Variants in TARBP1 observed in about 807,000 individuals in gnomAD.
TARBP1 encodes tRNA (guanosine(18)-2'-O)-methyltransferase TARBP1.
A neutral mutation model predicts 178.6 loss-of-function variants in TARBP1; 144 were observed. The ratio of observed to expected loss-of-function variants is 0.81; its 90% CI spans 0.70 to 0.93. TARBP1 has a LOEUF of 0.93. TARBP1 is among the 40% of genes least tolerant of loss of function. The pLI is 0.00. For synonymous variants in TARBP1, 787 were observed against 781.0 expected (o/e 1.01, Z -0.13); for missense variants, 2,067 against 2,011.7 (o/e 1.03, Z -0.53).
chr1:234,429,770 G>T lies in TARBP1; in HGVS notation c.2610-93C>A, dbSNP rs569956588. The T allele has an allele frequency of 7.2e-5, 94 of 1,311,254 alleles. 5 individuals are homozygous for T. Among genetic ancestry groups the T allele is most frequent in the Non-Finnish European group, 9.2e-5 (89 of 964,066 alleles). The allele number at this position is 1,311,254 out of a possible 1,614,324, so 81.2% of individuals were successfully genotyped here. A position where few individuals can be genotyped will look rare whatever the true frequency, so the allele number is the denominator to read the frequency against. The stretch of plus-strand genomic sequence containing the variant: ...ACACTATCCTTTCTAAAGGTGGGGG[G>T]GGGGGGGCAGTGTACAGATATAAAT... On this transcript the variant is annotated intron_variant, in intron 15 of 29. Transcript: ENST00000040877.
intron 26 of TARBP1, among the ~76,000 whole-genome samples, chr1:234,395,468 A>C (rs943103652): frequency 6.6e-6 from 1 of 152,282 alleles, no homozygotes; most frequent in Middle Eastern, 3.4e-3. Context: ...AATCGCCAAG[A>C]CTGGGTAACG....
Position 234,397,110 on chromosome 1 carries a change from G to C in TARBP1, c.4243+1272C>G, listed in dbSNP as rs150137140. On this transcript the variant is annotated intron_variant, in intron 26 of 29. Coordinates refer to ENST00000040877, the MANE Select transcript of TARBP1 (RefSeq NM_005646.4). Reference sequence around the variant, plus strand: ...GAGGCTAAAATGTGAGTGACAGACTGATAGGAAGATAGCCTACAGTCATTA... The same window carrying C: ...GAGGCTAAAATGTGAGTGACAGACTCATAGGAAGATAGCCTACAGTCATTA... Among the ~76,000 whole-genome samples the C allele has an allele frequency of 6.8e-3, 985 of 144,556 alleles. 4 individuals carry two copies. Among genetic ancestry groups the C allele is most frequent in the Non-Finnish European group, 0.011 (717 of 66,556 alleles). The allele number at this position is 144,556 out of a possible 152,430, so 94.8% of individuals were successfully genotyped here. A position where few individuals can be genotyped will look rare whatever the true frequency, so the allele number is the denominator to read the frequency against.
intron 26 of TARBP1, among the ~76,000 whole-genome samples, chr1:234,396,679 C>T (rs985918040): frequency 6.6e-6 from 1 of 151,992 alleles, no homozygotes; most frequent in African/African-American, 2.4e-5. Flanking sequence ...CATCCAGAGG[C>T]CTGACAAAAA....
intron 19 of TARBP1, among the ~76,000 whole-genome samples, chr1:234,426,261 C>G (rs1013364405): frequency 6.6e-6 from 1 of 152,212 alleles, no homozygotes; most frequent in African/African-American, 2.4e-5. Flanking sequence ...GCTCTCAACA[C>G]CCGGCATTTT....
At chr1:234,464,870 C>T (rs1668267622) in intron 5 of TARBP1, among the ~76,000 whole-genome samples, 1 of 152,160 alleles carries the variant, frequency 6.6e-6, no homozygotes, top group Non-Finnish European at 1.5e-5. Flanking sequence ...AAAAATGAGG[C>T]TAAGGTACAA....
Position 234,427,298 on chromosome 1 carries a change from G to C in TARBP1, c.3323+19C>G. 6.3e-7 allele frequency: 1 copy of C among 1,574,938 alleles called. No individual in the cohort carries two copies. Among genetic ancestry groups the C allele is most frequent in the Non-Finnish European group, 8.7e-7 (1 of 1,154,130 alleles). On this transcript the variant is annotated intron_variant, in intron 19 of 29. Transcript: ENST00000040877. ...AGTATCTCATTTATGTGAAGACAGAGAAAATCTACCATACTTACTTTTCCA... is the reference window on the plus strand; with the variant it reads ...AGTATCTCATTTATGTGAAGACAGACAAAATCTACCATACTTACTTTTCCA...
At chr1:234,422,251 G>C (rs1055076177) in intron 20 of TARBP1, among the ~76,000 whole-genome samples, 6 of 152,068 alleles carry the variant, frequency 3.9e-5, no homozygotes, top group African/African-American at 1.4e-4. Context: ...CTTTCTACTT[G>C]TTCCACTCAG....
chr1:234,464,683 G>A (rs270507), intron 5 of TARBP1, among the ~76,000 whole-genome samples: 35,002 of 152,176 alleles, frequency 0.23, 4,737 homozygotes, highest in Non-Finnish European at 0.31. Context: ...TAACGTGGCA[G>A]AGACTAATTA....
intron 20 of TARBP1, among the ~76,000 whole-genome samples, chr1:234,423,756 T>C (rs1433923934): frequency 6.6e-6 from 1 of 150,892 alleles, no homozygotes; most frequent in Non-Finnish European, 1.5e-5. Context: ...GAATTTTTTT[T>C]TTTTTTTTTT....
At chr1:234,468,165 T>C (rs993045944) in intron 3 of TARBP1, among the ~76,000 whole-genome samples, 1 of 151,936 alleles carries the variant, frequency 6.6e-6, no homozygotes, top group African/African-American at 2.4e-5. Flanking sequence ...TGAAAGACTG[T>C]AAATGGGCCA....
chr1:234,474,727 A>AAT (rs1669423719), intron 1 of TARBP1, among the ~76,000 whole-genome samples: 1 of 152,238 alleles, frequency 6.6e-6, no homozygotes, highest in African/African-American at 2.4e-5. Context: ...TTCTACCCTC[A>AAT]GTCAAACCAT....
chr1:234,430,187 GC>G lies in TARBP1; in HGVS notation c.2508del (p.Leu838TrpfsTer47), dbSNP rs1173494040. The G allele has an allele frequency of 6.2e-7, 1 of 1,614,060 alleles. No individual in the cohort carries two copies. Among genetic ancestry groups the G allele is most frequent in the African/African-American group, 1.3e-5 (1 of 74,922 alleles). On this transcript the variant is annotated frameshift_variant, in exon 15 of 30. Coordinates refer to ENST00000040877, the MANE Select transcript of TARBP1 (RefSeq NM_005646.4). LOFTEE classifies it high-confidence loss of function. ...PELQLDSLHA[G>X]PLESFLSSLQ... ...AGAGAGGAAAGGAAGCTTTCCAGGG[GC>G]CCAGCATGGAGAGAGTCCAGCTGCA...
At chr1:234,395,501 G>A (rs938901546) in intron 26 of TARBP1, among the ~76,000 whole-genome samples, 2 of 152,178 alleles carry the variant, frequency 1.3e-5, no homozygotes, top group African/African-American at 4.8e-5. Context: ...GCAAAAACAG[G>A]ACAAGAACGA....
chr1:234,392,461 T>G lies in TARBP1; in HGVS notation c.4652A>C (p.Asp1551Ala). 6.2e-7 allele frequency: 1 copy of G among 1,614,196 alleles called. No individual in the cohort carries two copies. Among genetic ancestry groups the G allele is most frequent in the Non-Finnish European group, 8.5e-7 (1 of 1,180,026 alleles). The change falls in exon 29 of 30, where the codon GAC (aspartate) becomes GCC (alanine). Residue 1551 changes from aspartate to alanine, a missense_variant. Transcript: ENST00000040877. ...CTCAGGAAAGCAATATTGGGTTAGG[T>G]CTAAACTTTTGGCAGTTTGTTCCAC... ...IGVEQTAKSL[D>A]LTQYCFPEKS...
chr1:234,393,773 C>T lies in TARBP1; in HGVS notation c.4308G>A (p.Pro1436=), dbSNP rs1802871. The change falls in exon 27 of 30, where the codon CCG becomes CCA. Residue 1436 remains proline (P), a synonymous_variant. Coordinates refer to ENST00000040877, the MANE Select transcript of TARBP1 (RefSeq NM_005646.4). ...EWTDVQKKII[P]WNSRVSDLDL... is the part of the protein sequence containing the mutation. ...CTAAGTCGGAAACACGACTGTTCCA[C>T]GGGATAATCTTCTTCTGAACGTCGG... 0.1 allele frequency: 166,279 copies of T among 1,606,720 alleles called. 14,747 individuals carry two copies. Among genetic ancestry groups the T allele is most frequent in the African/African-American group, 0.46 (34,501 of 74,308 alleles).
chr1:234,440,885 A>T (rs188285897), intron 12 of TARBP1, among the ~76,000 whole-genome samples: 4 of 152,274 alleles, frequency 2.6e-5, no homozygotes, highest in South Asian at 4.1e-4. Context: ...CAGACAACCT[A>T]AGTAAATGCA....
At chr1:234,448,947 C>A (rs919025251) in intron 10 of TARBP1, among the ~76,000 whole-genome samples, 1 of 152,034 alleles carries the variant, frequency 6.6e-6, no homozygotes, top group Non-Finnish European at 1.5e-5. Flanking sequence ...GGAGTCTACA[C>A]TAGGAAGACA....
chr1:234,412,685 G>A (rs1024345041), intron 22 of TARBP1, among the ~76,000 whole-genome samples: 1 of 152,106 alleles, frequency 6.6e-6, no homozygotes, highest in Non-Finnish European at 1.5e-5. Flanking sequence ...GAACTGAGAT[G>A]TGAAGGGAGA....
chr1:234,478,070 A>G, intron 1 of TARBP1, 103 bp downstream of exon 1: 1 of 1,173,946 alleles, frequency 8.5e-7, no homozygotes, highest in Non-Finnish European at 1.2e-6. Flanking sequence ...TTCTGCATGG[A>G]TCGGAGTGAC....
Sources: gnomAD v4.1 joint callset for allele counts (sites outside exome capture counted in the v4.1 genomes callset) on GRCh38, gnomAD v4.1.1 for gene constraint, MANE v1.5 for transcripts, NCBI Gene and HGNC (gene_info 2026-07-23, HGNC 2026-07-21) for gene names.